The following CDH26 variants were observed in gnomAD, a reference collection of about 807,000 sequenced individuals.
CDH26 encodes cadherin 26, also known as cadherin-like protein 26.
CDH26 carries 83 observed loss-of-function variants against 90.3 expected under a neutral mutation model. That is an observed-to-expected ratio of 0.92 (90% confidence interval 0.77 to 1.10). The LOEUF (loss-of-function observed/expected upper bound fraction) is 1.10. CDH26 is among the 50% of genes least tolerant of loss of function. The pLI is 0.00. For missense variants in CDH26, 1,013 were observed against 1,037.6 expected, an observed-to-expected ratio of 0.98 and a Z score of 0.33; for synonymous variants, 397 against 396.3, an observed-to-expected ratio of 1.00 and a Z score of -0.02.
chr20:59,997,962 G>A (rs745659282), intron 13 of CDH26, among the ~76,000 whole-genome samples: 1 of 152,252 alleles, frequency 6.6e-6, no homozygotes, highest in African/African-American at 2.4e-5. Context: ...TCCTCTGGCA[G>A]GTATGTGCCT....
At chr20:59,988,684 AAC>A (rs1212042915) in intron 8 of CDH26, among the ~76,000 whole-genome samples, 18 of 152,120 alleles carry the variant, frequency 1.2e-4, no homozygotes, top group African/African-American at 4.3e-4. Context: ...GGCTCTTTTC[AAC>A]CAGCAGAGGA....
intron 16 of CDH26, among the ~76,000 whole-genome samples, chr20:60,004,845 T>G (rs1443652179): frequency 2.0e-5 from 3 of 151,690 alleles, no homozygotes; most frequent in Non-Finnish European, 4.4e-5. Context: ...ATTACAGTCT[T>G]ATGGGACCAG....
intron 4 of CDH26, among the ~76,000 whole-genome samples, chr20:59,981,899 T>G (rs1038118377): frequency 1.3e-5 from 2 of 152,110 alleles, no homozygotes; most frequent in African/African-American, 2.4e-5. Context: ...GTTTTTTGTT[T>G]TTATTTCTTG....
downstream of CDH26, among the ~76,000 whole-genome samples, chr20:60,017,440 T>C (rs939499767): frequency 6.6e-6 from 1 of 152,040 alleles, no homozygotes; most frequent in Admixed American, 6.5e-5. Flanking sequence ...ATTTCTGTGG[T>C]CTCTATTGTG....
chr20:60,011,105 G>GAC (rs2061833315), intron 17 of CDH26, among the ~76,000 whole-genome samples: 1 of 152,170 alleles, frequency 6.6e-6, no homozygotes, highest in African/African-American at 2.4e-5. Flanking sequence ...TGGAGATAGG[G>GAC]ACCTATCCTC....
In CDH26 at chr20:59,996,046, C is replaced by T. The variant is rs771855644; in HGVS notation, c.1880C>T (p.Ala627Val). Reference sequence around the variant, plus strand: ...TTCCCTGTCTGTGCAGCATTTGTGGCTCTGGCAGGTCAGTGGTCTGTAGGG... The same window carrying T: ...TTCCCTGTCTGTGCAGCATTTGTGGTTCTGGCAGGTCAGTGGTCTGTAGGG... ...ALFPVCAAFV[A>V]LAVALLFLLR... The change falls in exon 12 of 18, where the codon GCT becomes GTT. Residue 627 changes from alanine to valine, a missense_variant. By Grantham distance (64) the Ala-to-Val change is moderately conservative. Coordinates refer to ENST00000348616, the MANE Select transcript of CDH26 (RefSeq NM_177980.4). The T allele has an allele frequency of 1.2e-6, 2 of 1,612,702 alleles. No homozygotes were observed. The highest frequency in any genetic ancestry group is 8.5e-7 in the Non-Finnish European group (1 of 1,179,964).
intron 4 of CDH26, among the ~76,000 whole-genome samples, chr20:59,976,701 G>A (rs774707200): frequency 4.6e-5 from 7 of 152,260 alleles, no homozygotes; most frequent in Admixed American, 1.3e-4. Context: ...AAGCCCTGAA[G>A]CCTCCCTCAG....
chr20:59,993,872 G>GCGGAGA lies in CDH26; in HGVS notation c.1427-375_1427-370dup, dbSNP rs2061558451. Among the ~76,000 whole-genome samples, 3 of 152,136 alleles carry GCGGAGA rather than the reference G, an allele frequency of 2.0e-5. No individual in the cohort carries two copies. In the South Asian group the frequency reaches 6.2e-4, roughly 31 times the overall value. ...GTAACCTTGTAACCAGTACATCAAC[G>GCGGAGA]CGGAGACGCAGCGCATTTGCCTCCC... On this transcript the variant is annotated intron_variant, in intron 10 of 17. Coordinates refer to ENST00000348616, the MANE Select transcript of CDH26 (RefSeq NM_177980.4).
intron 5 of CDH26, among the ~76,000 whole-genome samples, chr20:59,983,346 G>A (rs931167317): frequency 6.6e-6 from 1 of 152,188 alleles, no homozygotes; most frequent in Non-Finnish European, 1.5e-5. Context: ...GGGAGAAAGA[G>A]CTGGGTGATG....
At chr20:60,025,405 C>A (rs1456101470) in intron 7 of CDH26, among the ~76,000 whole-genome samples, 3 of 152,270 alleles carry the variant, frequency 2.0e-5, no homozygotes, top group Admixed American at 6.5e-5. Flanking sequence ...TCCTAAAATT[C>A]TCTTCCAAAA....
chr20:60,018,702 C>CTTTTTTTTTTTTTTTTTTTTTTT (rs55994712), downstream of CDH26, among the ~76,000 whole-genome samples: 10 of 17,790 alleles, frequency 5.6e-4, 1 homozygote, highest in Non-Finnish European at 8.8e-4. Flanking sequence ...CTCTTACTGC[C>CTTTTTTTTTTTTTTTTTTTTTTT]TTTTTTTTTT....
At chr20:59,995,573 C>T (rs1601164618) in intron 11 of CDH26, among the ~76,000 whole-genome samples, 1 of 152,210 alleles carries the variant, frequency 6.6e-6, no homozygotes, top group African/African-American at 2.4e-5. Flanking sequence ...CTGTAAAAAA[C>T]GGCACCATCA....
intron 7 of CDH26, among the ~76,000 whole-genome samples, chr20:60,027,739 C>A (rs890892631): frequency 3.3e-5 from 5 of 152,222 alleles, no homozygotes; most frequent in Non-Finnish European, 7.3e-5. Context: ...CCCAGCACAG[C>A]AGCCACCATG....
intron 17 of CDH26, among the ~76,000 whole-genome samples, chr20:60,010,137 C>T (rs949514161): frequency 6.6e-6 from 1 of 152,016 alleles, no homozygotes; most frequent in Non-Finnish European, 1.5e-5. Flanking sequence ...AGGCAGGGCT[C>T]CTGAGAACCA....
intron 17 of CDH26, among the ~76,000 whole-genome samples, chr20:60,010,518 C>A (rs2061822043): frequency 1.3e-5 from 2 of 152,162 alleles, no homozygotes. Context: ...CCTCCACTCC[C>A]CTATTTATTG....
chr20:59,970,638 G>C (rs2061248215), intron 3 of CDH26, among the ~76,000 whole-genome samples: 1 of 151,602 alleles, frequency 6.6e-6, no homozygotes, highest in South Asian at 2.1e-4. Flanking sequence ...GTGAAATCTT[G>C]TCTCTACTAA....
In CDH26 at chr20:60,001,395, G is replaced by C. The variant is rs1381219111; in HGVS notation, c.2150G>C (p.Cys717Ser). The C allele has an allele frequency of 6.2e-7, 1 of 1,613,984 alleles. No individual in the cohort carries two copies. Among genetic ancestry groups the C allele is most frequent in the Admixed American group, 1.7e-5 (1 of 60,014 alleles). ...SAASQSAQAR[C>S]ALGSWGYGKP... Reference sequence around the variant, plus strand: ...GCGAGTCAGTCAGCCCAAGCACGCTGTGCTCTGGGGAGCTGGGTGAGTTCC... The same window carrying C: ...GCGAGTCAGTCAGCCCAAGCACGCTCTGCTCTGGGGAGCTGGGTGAGTTCC... The change falls in exon 15 of 18, where the codon TGT becomes TCT. Residue 717 changes from cysteine (C) to serine (S), a missense_variant. Physicochemically the swap from Cys to Ser is moderately radical, Grantham distance 112. Coordinates refer to ENST00000348616, the MANE Select transcript of CDH26 (RefSeq NM_177980.4).
chr20:59,963,963 G>A (rs1450974041), intron 1 of CDH26, among the ~76,000 whole-genome samples: 1 of 152,020 alleles, frequency 6.6e-6, no homozygotes, highest in African/African-American at 2.4e-5. Context: ...AGGACTCGTC[G>A]GCTCTCAGAA....
chr20:60,019,003 G>A (rs954564300), downstream of CDH26, among the ~76,000 whole-genome samples: 7 of 151,948 alleles, frequency 4.6e-5, no homozygotes, highest in African/African-American at 1.7e-4. Context: ...AGTCTGGCAA[G>A]TTTTGTTTTG....
Sources: allele counts gnomAD v4.1 joint callset (sites outside exome capture counted in the v4.1 genomes callset), GRCh38; gene constraint gnomAD v4.1.1; transcripts MANE v1.5; gene names NCBI Gene and HGNC (gene_info 2026-07-23, HGNC 2026-07-21).